Variants in PER3 observed in about 807,000 individuals in gnomAD.
PER3 encodes period circadian protein homolog 3.
PER3 carries 107 observed loss-of-function variants against 127.2 expected under a neutral mutation model. The ratio of observed to expected loss-of-function variants is 0.84; its 90% CI spans 0.72 to 0.99. PER3 has a LOEUF of 0.99. PER3 is among the 50% of genes least tolerant of loss of function. The probability of loss-of-function intolerance (pLI) is 0.00; values close to 1 mark genes in which losing one functional copy is unlikely to be tolerated. For missense variants in PER3, 1,560 were observed against 1,525.8 expected, an observed-to-expected ratio of 1.02 and a Z score of -0.37; for synonymous variants, 618 against 585.8, an observed-to-expected ratio of 1.05 and a Z score of -0.79.
At chr1:7,808,343 T>C (rs1007547231) in intron 10 of PER3, among the ~76,000 whole-genome samples, 1 of 151,830 alleles carries the variant, frequency 6.6e-6, no homozygotes, top group Non-Finnish European at 1.5e-5. Flanking sequence ...TCTGTTGGCA[T>C]GTGTGCCATT....
chr1:7,836,520 A>G (rs1257627179), intron 20 of PER3, among the ~76,000 whole-genome samples: 2 of 152,166 alleles, frequency 1.3e-5, no homozygotes, highest in African/African-American at 2.4e-5. Flanking sequence ...ATAATTATTG[A>G]ATGTTTTATA....
intron 8 of PER3, 62 bp downstream of exon 8, chr1:7,801,253 G>A (rs2097169625): frequency 1.1e-6 from 1 of 905,724 alleles, no homozygotes; most frequent in Middle Eastern, 2.8e-4. Context: ...ATGTGAAGAA[G>A]ATTACATTAT....
intron 18 of PER3, among the ~76,000 whole-genome samples, chr1:7,828,351 A>G (rs981238318): frequency 5.9e-5 from 9 of 152,208 alleles, no homozygotes; most frequent in African/African-American, 2.2e-4. Context: ...TTCAAAACCA[A>G]AAGCTTTTTT....
intron 16 of PER3, among the ~76,000 whole-genome samples, chr1:7,823,028 A>C (rs2097284605): frequency 1.3e-5 from 2 of 152,204 alleles, no homozygotes; most frequent in African/African-American, 4.8e-5. Flanking sequence ...AGTTCTGATC[A>C]CATTACTGTA....
At chr1:7,820,890 A>C (rs1427458482) in intron 16 of PER3, among the ~76,000 whole-genome samples, 2 of 152,234 alleles carry the variant, frequency 1.3e-5, no homozygotes, top group Non-Finnish European at 2.9e-5. Context: ...CACTTAATAC[A>C]GTACCTAGTA....
chr1:7,840,582 T>A (rs1270934655), intron 21 of PER3, among the ~76,000 whole-genome samples: 2 of 151,938 alleles, frequency 1.3e-5, no homozygotes, highest in Non-Finnish European at 2.9e-5. Flanking sequence ...CCACCCAAAG[T>A]GCTAGGATTA....
chr1:7,835,906 C>T lies in PER3; in HGVS notation c.3359C>T (p.Thr1120Ile), dbSNP rs35802556. Residue 1120 changes from threonine to isoleucine, a missense_variant, in exon 20 of 22, where the codon ACA becomes ATA. By Grantham distance (89) the Thr-to-Ile change is moderately conservative (BLOSUM62 -1). Transcript: ENST00000377532. Reference sequence around the variant, plus strand: ...CCCATCTGGAGAATGATACGGCAGACACCTGAGCGCATTCTCATGACATAC... The same window carrying T: ...CCCATCTGGAGAATGATACGGCAGATACCTGAGCGCATTCTCATGACATAC... ...EEPIWRMIRQTPERILMTYQV... is the reference protein window; with the variant it reads ...EEPIWRMIRQIPERILMTYQV... The T allele has an allele frequency of 7.0e-4, 1,121 of 1,611,220 alleles. 6 individuals carry two copies. Among genetic ancestry groups the T allele is most frequent in the Middle Eastern group, 6.6e-3 (40 of 6,050 alleles).
At chr1:7,803,346 T>C (rs1456945694) in intron 9 of PER3, among the ~76,000 whole-genome samples, 193 bp downstream of exon 9, 1 of 150,908 alleles carries the variant, frequency 6.6e-6, no homozygotes, top group Non-Finnish European at 1.5e-5. Flanking sequence ...CCCAGCACTT[T>C]GGGAGGCCGA....
At chr1:7,830,263 G>GTT in intron 19 of PER3, 102 bp downstream of exon 19, 2 of 1,055,742 alleles carry the variant, frequency 1.9e-6, no homozygotes, top group Non-Finnish European at 2.8e-6. Context: ...GAAGTACAAG[G>GTT]TTTTTTTTTC....
chr1:7,810,217 A>G (rs2150853179), intron 12 of PER3, 196 bp downstream of exon 12: 1 of 652,494 alleles, frequency 1.5e-6, no homozygotes, highest in Non-Finnish European at 2.6e-6. Context: ...ATTTGAATTA[A>G]TTGTATGCGT....
At chr1:7,832,972 G>A (rs947977518) in intron 19 of PER3, among the ~76,000 whole-genome samples, 2 of 151,942 alleles carry the variant, frequency 1.3e-5, no homozygotes, top group African/African-American at 4.8e-5. Flanking sequence ...TGAGTAGCTG[G>A]AACTGCAGGC....
chr1:7,837,371 A>G (rs186300034), intron 21 of PER3, among the ~76,000 whole-genome samples: 1 of 152,208 alleles, frequency 6.6e-6, no homozygotes, highest in Non-Finnish European at 1.5e-5. Flanking sequence ...TTTTGAATAC[A>G]GGTCTTTTTG....
At chr1:7,784,610 G>T in intron 1 of PER3, 44 bp from the exon 2 acceptor site, 1 of 339,102 alleles carries the variant, frequency 2.9e-6, no homozygotes, top group East Asian at 5.0e-5. Flanking sequence ...GCGTCGGACT[G>T]TCTGTTCCAT....
chr1:7,795,228 G>C (rs1168829343), intron 6 of PER3, among the ~76,000 whole-genome samples: 1 of 152,184 alleles, frequency 6.6e-6, no homozygotes, highest in Non-Finnish European at 1.5e-5. Context: ...ATGTGTTTCT[G>C]ATGTTAATTA....
rs898176253 is a variant in PER3 at position 7,793,893 on chromosome 1, A to G, written c.593-64A>G. On this transcript the variant is annotated intron_variant, in intron 5 of 21. Transcript: ENST00000377532. ...TAGTTTGTTGTTTGATAATGGTGCA[A>G]CATTGTTTCACTGAGAAAGACCTGG... 236 of 1,335,064 alleles carry G rather than the reference A, an allele frequency of 1.8e-4. 1 individual carries two copies. Among genetic ancestry groups the G allele is most frequent in the African/African-American group, 4.3e-5 (3 of 69,734 alleles). 82.7% of individuals were successfully genotyped at this position (1,335,064 alleles called of 1,614,324 possible).
Position 7,835,891 on chromosome 1 carries a change from G to C in PER3, c.3344G>C (p.Arg1115Thr). The C allele has an allele frequency of 6.2e-7, 1 of 1,611,974 alleles. No individual in the cohort carries two copies. Among genetic ancestry groups the C allele is most frequent in the Non-Finnish European group, 8.5e-7 (1 of 1,177,970 alleles). ...AATGTCGCCGAAGAGCCCATCTGGA[G>C]AATGATACGGCAGACACCTGAGCGC... ...FPNVAEEPIW[R>T]MIRQTPERIL... Residue 1115 changes from arginine to threonine, a missense_variant, in exon 20 of 22, where the codon AGA (arginine) becomes ACA (threonine). Physicochemically the swap from Arg to Thr is moderately conservative, Grantham distance 71. This residue lies in a region of PER3 where 199 missense variants were observed against 198.6 expected (regional missense o/e 1.00). Coordinates refer to ENST00000377532, the MANE Select transcript of PER3 (RefSeq NM_001377275.1).
Position 7,830,128 on chromosome 1 carries a change from G to C in PER3, c.3181G>C (p.Glu1061Gln), listed in dbSNP as rs113009468. The change falls in exon 19 of 22, where the codon GAA (glutamate) becomes CAA (glutamine). Residue 1061 changes from glutamate (E) to glutamine (Q), a missense_variant. Physicochemically the swap from Glu to Gln is conservative, Grantham distance 29 (BLOSUM62 2). Around this residue, in one of 3 missense-constraint regions of PER3, gnomAD observed 199 missense variants for 198.6 expected, o/e 1.00. Coordinates refer to ENST00000377532, the MANE Select transcript of PER3 (RefSeq NM_001377275.1). ...TCTGTCCACGGGGTCACCTCCCAGC[G>C]AATCCCCATCCAGAACTGGTTCAGC... ...TVLSTGSPPS[E>Q]SPSRTGSAAS... The C allele has an allele frequency of 2.5e-6, 4 of 1,614,088 alleles. No homozygotes were observed. The African/African-American group carries it at 4.0e-5, about 16-fold the overall frequency.
Position 7,827,808 on chromosome 1 carries a change from C to T in PER3, c.2879C>T (p.Thr960Ile). 1.2e-6 allele frequency: 2 copies of T among 1,607,904 alleles called. No individual in the cohort carries two copies. The highest frequency in any genetic ancestry group is 1.7e-6 in the Non-Finnish European group (2 of 1,175,568). The change falls in exon 18 of 22, where the codon ACT (threonine) becomes ATT (isoleucine). Residue 960 changes from threonine (T) to isoleucine (I), a missense_variant. By Grantham distance (89) the Thr-to-Ile change is moderately conservative. This residue lies in a region of PER3 where 1,332 missense variants were observed against 1,223.6 expected (regional missense o/e 1.09). Transcript: ENST00000377532. The stretch of plus-strand genomic sequence containing the variant: ...ATGAGAAGGAACACGTGCCCACAAA[C>T]TGAGTATGTAAGTGATGCTCATTTT... ...DQMRRNTCPQ[T>I]EYQCVTGNNG...
chr1:7,833,936 T>C (rs999921461), intron 19 of PER3, among the ~76,000 whole-genome samples: 2 of 152,152 alleles, frequency 1.3e-5, no homozygotes, highest in African/African-American at 4.8e-5. Flanking sequence ...CTTATTTTTT[T>C]CTTTGAGACT....
Sources: gnomAD v4.1 joint callset for allele counts (sites outside exome capture counted in the v4.1 genomes callset) on GRCh38, gnomAD v4.1.1 for gene constraint, gnomAD v4.1.1 regional missense constraint, MANE v1.5 for transcripts, NCBI Gene and HGNC (gene_info 2026-07-23, HGNC 2026-07-21) for gene names.